IRAK3: variants seen among roughly 807,000 people sequenced by gnomAD.
IRAK3 encodes the protein interleukin-1 receptor-associated kinase 3.
A neutral mutation model predicts 56.6 loss-of-function variants in IRAK3; 57 were observed. That is an observed-to-expected ratio of 1.01 (90% CI 0.81 to 1.26). The LOEUF is 1.26. Among genes scored for constraint, IRAK3 ranks in the 50% most tolerant of loss-of-function variants. IRAK3 has a pLI of 0.00. For synonymous variants in IRAK3, 258 were observed against 255.7 expected, an observed-to-expected ratio of 1.01 and a Z score of -0.09; for missense variants, 703 against 719.0, an observed-to-expected ratio of 0.98 and a Z score of 0.25.
At chr12:66,219,563 G>C (rs929947459) in intron 6 of IRAK3, among the ~76,000 whole-genome samples, 18 of 152,188 alleles carry the variant, frequency 1.2e-4, no homozygotes, top group African/African-American at 4.1e-4. Context: ...GCATGAAAAT[G>C]GACTAATACA....
intron 1 of IRAK3, among the ~76,000 whole-genome samples, chr12:66,195,312 A>G (rs1437201292): frequency 2.0e-5 from 3 of 152,040 alleles, no homozygotes; most frequent in Non-Finnish European, 1.5e-5. Context: ...CACCTCTACT[A>G]TTTTAGCAGT....
Position 66,206,417 on chromosome 12 carries a change from G to C in IRAK3, c.316+2524G>C, listed in dbSNP as rs940997991. ...TTGAGGACATTTTCTTCTGTTGGTA[G>C]GGCTTTTATCATGATAGGGTGTTGG... On this transcript the variant is annotated intron_variant, in intron 2 of 11. Coordinates refer to ENST00000261233, the MANE Select transcript of IRAK3 (RefSeq NM_007199.3). Among the ~76,000 whole-genome samples, 6 of 152,184 alleles carry C rather than the reference G, an allele frequency of 3.9e-5. No homozygotes were observed. The East Asian group carries it at 1.2e-3, about 29-fold the overall frequency.
chr12:66,235,259 G>A, intron 8 of IRAK3: 1 of 1,575,216 alleles, frequency 6.3e-7, no homozygotes, highest in Non-Finnish European at 8.6e-7. Context: ...GCTGCCCCCG[G>A]GGTTGCCGCT....
rs931691518 is a variant in IRAK3 at position 66,189,447 on chromosome 12, A to G, written c.133+15A>G. 2 of 1,201,646 alleles carry G rather than the reference A, an allele frequency of 1.7e-6. No homozygotes were observed. Among genetic ancestry groups the G allele is most frequent in the African/African-American group, 1.6e-5 (1 of 62,324 alleles). The allele number at this position is 1,201,646 out of a possible 1,614,324, so 74.4% of individuals were successfully genotyped here. ...GCGCGGCCTGGGTGAGTCGGCGGGG[A>G]CCGGCCGGGGGCGGCGGGGGAGCCC... On this transcript the variant is annotated intron_variant, in intron 1 of 11. Transcript: ENST00000261233.
At chr12:66,229,872 T>G (rs2052826328) in intron 8 of IRAK3, among the ~76,000 whole-genome samples, 1 of 152,360 alleles carries the variant, frequency 6.6e-6, no homozygotes, top group African/African-American at 2.4e-5. Context: ...CTAAACATAT[T>G]TGTCCTTTGG....
chr12:66,209,605 A>G (rs564973597), intron 3 of IRAK3, 85 bp downstream of exon 3: 1 of 895,154 alleles, frequency 1.1e-6, no homozygotes, highest in East Asian at 2.4e-5. Context: ...CAGGCAGAAA[A>G]ATGCTGGATT....
At chr12:66,223,267 AATAGC>A (rs2052753331) in intron 6 of IRAK3, among the ~76,000 whole-genome samples, 1 of 152,202 alleles carries the variant, frequency 6.6e-6, no homozygotes, top group Non-Finnish European at 1.5e-5. Flanking sequence ...CAGGGGATGC[AATAGC>A]TTAACTTGGG....
At chr12:66,227,204 G>A (rs1462542405) in intron 7 of IRAK3, among the ~76,000 whole-genome samples, 20 of 152,086 alleles carry the variant, frequency 1.3e-4, no homozygotes, top group Admixed American at 1.3e-3. Context: ...CTTTATTAAA[G>A]TATCCTTCAA....
At position 66,189,335 on chromosome 12, in the gene IRAK3, G is replaced by C. The variant is rs779856554; in HGVS notation, c.36G>C (p.Ser12=). The C allele has an allele frequency of 2.6e-5, 40 of 1,532,768 alleles. No individual in the cohort carries two copies. Among genetic ancestry groups the C allele is most frequent in the Non-Finnish European group, 3.2e-5 (37 of 1,145,874 alleles). The allele number at this position is 1,532,768 out of a possible 1,614,324, so 94.9% of individuals were successfully genotyped here. A position where few individuals can be genotyped will look rare whatever the true frequency, so the allele number is the denominator to read the frequency against. Residue 12 remains serine (S), a synonymous_variant, in exon 1 of 12, where the codon TCG becomes TCC. Transcript: ENST00000261233. The stretch of plus-strand genomic sequence containing the variant: ...ACTGTGGGGCCCGCGGCGCGCTGTC[G>C]GCGCACACGCTGCTGTTCGACCTGC... ...AGNCGARGAL[S]AHTLLFDLPP...
intron 8 of IRAK3, among the ~76,000 whole-genome samples, chr12:66,242,044 C>A (rs1033242812): frequency 6.6e-6 from 1 of 152,144 alleles, no homozygotes; most frequent in African/African-American, 2.4e-5. Flanking sequence ...ATGATTCTGG[C>A]ATTGTCAATT....
intron 1 of IRAK3, among the ~76,000 whole-genome samples, chr12:66,200,431 GGCTGGAA>G (rs1358708669): frequency 6.6e-6 from 1 of 152,158 alleles, no homozygotes; most frequent in Non-Finnish European, 1.5e-5. Context: ...CAGTGTTTCT[GGCTGGAA>G]GAGACACAGA....
Position 66,234,280 on chromosome 12 carries a change from G to A in IRAK3, c.887+5910G>A, listed in dbSNP as rs1183287768. On this transcript the variant is annotated intron_variant, in intron 8 of 11. Transcript: ENST00000261233. ...GATGACTCATCTGCTGGGCCAGAGG[G>A]CTGATCATTGATGCGGGCTGTAGTG... The A allele has an allele frequency of 5.0e-6, 8 of 1,612,896 alleles. No individual in the cohort carries two copies. The African/African-American group carries it at 1.1e-4, about 22-fold the overall frequency.
intron 1 of IRAK3, among the ~76,000 whole-genome samples, chr12:66,196,196 C>T (rs2052451525): frequency 6.6e-6 from 1 of 152,090 alleles, no homozygotes; most frequent in Admixed American, 6.6e-5. Context: ...CCTGCTGACT[C>T]TCTTAGCATC....
intron 5 of IRAK3, among the ~76,000 whole-genome samples, chr12:66,216,830 A>G (rs545146897): frequency 6.6e-6 from 1 of 152,218 alleles, no homozygotes; most frequent in Non-Finnish European, 1.5e-5. Context: ...TGGATTCTTT[A>G]TAAGATCAAG....
chr12:66,201,834 A>T (rs528305258), intron 1 of IRAK3, among the ~76,000 whole-genome samples: 55 of 152,340 alleles, frequency 3.6e-4, no homozygotes, highest in Non-Finnish European at 6.8e-4. Flanking sequence ...ACAAAACACC[A>T]TTTCTCAAAC....
At chr12:66,228,885 AGGCTGGGCTAAGCTG>A (rs2052816103) in intron 8 of IRAK3, among the ~76,000 whole-genome samples, 1 of 152,200 alleles carries the variant, frequency 6.6e-6, no homozygotes, top group South Asian at 2.1e-4. Flanking sequence ...CATTTAACAT[AGGCTGGGCTAAGCTG>A]GGATGTTCGG....
rs188460631 is a variant in IRAK3, at chr12:66,224,102, A to G, written c.654-2621A>G. On this transcript the variant is annotated intron_variant, in intron 6 of 11. Transcript: ENST00000261233. The stretch of plus-strand genomic sequence containing the variant: ...TTATAATGTTGGCTATTCCTGGGGT[A>G]CCATTTTTATTTTGCTAATATTTAT... Among the ~76,000 whole-genome samples the G allele has an allele frequency of 3.2e-4, 48 of 152,204 alleles. No homozygotes were observed. In the South Asian group the frequency reaches 5.2e-3, roughly 16 times the overall value.
chr12:66,220,066 G>T (rs1267538028), intron 6 of IRAK3, among the ~76,000 whole-genome samples: 2 of 152,002 alleles, frequency 1.3e-5, no homozygotes, highest in African/African-American at 4.8e-5. Context: ...AGTTCCACTT[G>T]TTCATTTTTG....
chr12:66,220,613 C>T (rs1369331832), intron 6 of IRAK3, among the ~76,000 whole-genome samples: 1 of 144,538 alleles, frequency 6.9e-6, no homozygotes, highest in Non-Finnish European at 1.5e-5. Flanking sequence ...CTCCGCCTCC[C>T]GGGTTCACGC....
Sources: gnomAD v4.1 joint callset for allele counts (sites outside exome capture counted in the v4.1 genomes callset) on GRCh38, gnomAD v4.1.1 for gene constraint, MANE v1.5 for transcripts, NCBI Gene and HGNC (gene_info 2026-07-23, HGNC 2026-07-21) for gene names.